Variants in ROBO2 observed in about 807,000 individuals in gnomAD.
ROBO2 encodes the protein roundabout homolog 2.
Under a neutral mutation model 160.8 loss-of-function variants are expected in ROBO2, and 53 were observed. The observed-to-expected ratio is 0.33, with a 90% CI of 0.26 to 0.41. The LOEUF (loss-of-function observed/expected upper bound fraction) is 0.41, where lower values mean the gene tolerates loss of function less well. Among genes scored for constraint, ROBO2 ranks in the 10% least tolerant of loss-of-function variants. ROBO2 has a pLI of 1.00. For synonymous variants in ROBO2, 664 were observed against 611.7 expected, an observed-to-expected ratio of 1.09 and a Z score of -1.26; for missense variants, 1,577 against 1,722.4, an observed-to-expected ratio of 0.92 and a Z score of 1.49.
intron 2 of ROBO2, among the ~76,000 whole-genome samples, chr3:76,831,702 T>C (rs916794058): frequency 6.6e-6 from 1 of 152,186 alleles, no homozygotes; most frequent in African/African-American, 2.4e-5. Flanking sequence ...ATAGCAAAAC[T>C]AAGACAAACT....
At chr3:76,974,539 A>G (rs918108279) in intron 2 of ROBO2, among the ~76,000 whole-genome samples, 3 of 152,130 alleles carry the variant, frequency 2.0e-5, no homozygotes, top group African/African-American at 7.2e-5. Context: ...ACTGCAACCC[A>G]GGTGTTCTGG....
chr3:77,411,176 T>C (rs1202932621), intron 2 of ROBO2, among the ~76,000 whole-genome samples: 5 of 152,144 alleles, frequency 3.3e-5, no homozygotes, highest in Non-Finnish European at 7.4e-5. Flanking sequence ...TTCTCCTAAC[T>C]CTTCTTGCCC....
chr3:76,386,806 A>G (rs2076913651), intron 2 of ROBO2, among the ~76,000 whole-genome samples: 1 of 152,134 alleles, frequency 6.6e-6, no homozygotes, highest in Admixed American at 6.5e-5. Flanking sequence ...CAACTGTGGG[A>G]CATACATATG....
intron 2 of ROBO2, among the ~76,000 whole-genome samples, chr3:77,411,864 A>G (rs965627380): frequency 6.6e-6 from 1 of 152,204 alleles, no homozygotes; most frequent in Non-Finnish European, 1.5e-5. Flanking sequence ...TATCGTTAAG[A>G]CATTAAAAAT....
intron 2 of ROBO2, 38 bp downstream of exon 2, chr3:77,098,378 T>TGAAA: frequency 6.2e-7 from 1 of 1,600,114 alleles, no homozygotes; most frequent in Non-Finnish European, 8.6e-7. Context: ...CACATTTACT[T>TGAAA]TTATTTATTT....
intron 2 of ROBO2, among the ~76,000 whole-genome samples, chr3:75,943,357 A>T (rs1433797791): frequency 6.6e-6 from 1 of 152,172 alleles, no homozygotes; most frequent in East Asian, 1.9e-4. Context: ...TCTGAAGCTG[A>T]ATTTATTTAG....
intron 2 of ROBO2, among the ~76,000 whole-genome samples, chr3:77,206,442 A>T (rs1175815768): frequency 6.6e-6 from 1 of 152,042 alleles, no homozygotes; most frequent in African/African-American, 2.4e-5. Flanking sequence ...TGCTGGGATG[A>T]CAGGGTGAGC....
In ROBO2 at chr3:77,073,378, G is replaced by A. The variant is rs553600031; in HGVS notation, c.62-24636G>A. ...TTGTTTCTTAAGTCACCTGTAGGGC[G>A]AAGTAAATATGCGAGGAAATAGTCT... On this transcript the variant is annotated intron_variant, in intron 1 of 25. Transcript: ENST00000461745. Among the ~76,000 whole-genome samples the A allele has an allele frequency of 3.3e-5, 5 of 152,256 alleles. No homozygotes were observed. The South Asian group carries it at 8.3e-4, about 25-fold the overall frequency.
At chr3:77,027,475 T>C (rs2063040369) in intron 2 of ROBO2, among the ~76,000 whole-genome samples, 1 of 152,170 alleles carries the variant, frequency 6.6e-6, no homozygotes, top group Non-Finnish European at 1.5e-5. Flanking sequence ...AGAGAGCATA[T>C]ATAGCATCAA....
rs1422584990 is a variant in ROBO2, at chr3:76,948,895, T to G, written c.110-149119T>G. Among the ~76,000 whole-genome samples, 8 of 28,796 alleles carry G rather than the reference T, an allele frequency of 2.8e-4. No homozygotes were observed. In the East Asian group the frequency reaches 0.011, roughly 41 times the overall value. 18.9% of individuals were successfully genotyped at this position (28,796 alleles called of 152,430 possible). On this transcript the variant is annotated intron_variant, in intron 2 of 26. Transcript: ENST00000487694. The stretch of plus-strand genomic sequence containing the variant: ...AATTTTATATATATATATATATATA[T>G]ATATATATATATATTTTTTTTTTTT...
At chr3:77,572,498 CTT>C (rs200678253) in intron 13 of ROBO2, among the ~76,000 whole-genome samples, 1 of 147,062 alleles carries the variant, frequency 6.8e-6, no homozygotes, top group African/African-American at 2.5e-5. Context: ...CCTGGGCTCA[CTT>C]TTTTTTTTTA....
At chr3:76,546,100 G>A (rs1444613311) in intron 2 of ROBO2, among the ~76,000 whole-genome samples, 1 of 151,670 alleles carries the variant, frequency 6.6e-6, no homozygotes, top group Non-Finnish European at 1.5e-5. Context: ...GAAGTTCCTT[G>A]GTAAAATCAT....
In ROBO2 at chr3:76,165,388, T is replaced by C. The variant is rs993587379; in HGVS notation, c.109+227786T>C. Among the ~76,000 whole-genome samples, 4 of 152,008 alleles carry C rather than the reference T, an allele frequency of 2.6e-5. 1 individual carries two copies. The highest frequency in any genetic ancestry group is 1.3e-4 in the Admixed American group (2 of 15,254). ...GCTTCCTCATCTCTTTCAGCTTTTATAGAATTGAAGAGAGGGCCTTGCTCT... is the reference window on the plus strand; with the variant it reads ...GCTTCCTCATCTCTTTCAGCTTTTACAGAATTGAAGAGAGGGCCTTGCTCT... On this transcript the variant is annotated intron_variant, in intron 2 of 26. Coordinates refer to the ROBO2 transcript ENST00000487694.
rs370957692 is a variant in ROBO2, at chr3:76,185,213, T to C, written c.109+247611T>C. On this transcript the variant is annotated intron_variant, in intron 2 of 26. Coordinates refer to the ROBO2 transcript ENST00000487694. ...AAACACAGATATATATATATATATA[T>C]ATACACACACAAAGATGTTATATAT... 2.0e-3 allele frequency among the ~76,000 whole-genome samples: 162 copies of C among 82,936 alleles called. 8 individuals carry two copies. Among genetic ancestry groups the C allele is most frequent in the Non-Finnish European group, 3.1e-3 (105 of 34,250 alleles). The allele number at this position is 82,936 out of a possible 152,430, so 54.4% of individuals were successfully genotyped here. A position where few individuals can be genotyped will look rare whatever the true frequency, so the allele number is the denominator to read the frequency against.
chr3:76,717,470 G>A (rs1330569999), intron 2 of ROBO2, among the ~76,000 whole-genome samples: 5 of 145,480 alleles, frequency 3.4e-5, no homozygotes, highest in Admixed American at 7.0e-5. Context: ...CACCCTGGGC[G>A]ACAGAGTGAG....
intron 2 of ROBO2, among the ~76,000 whole-genome samples, chr3:76,028,325 T>C (rs1405594209): frequency 6.6e-6 from 1 of 151,958 alleles, no homozygotes; most frequent in Non-Finnish European, 1.5e-5. Context: ...AAATTATCTA[T>C]GGAGGGGTTA....
chr3:77,388,870 G>A (rs74689784), intron 2 of ROBO2, among the ~76,000 whole-genome samples: 6,183 of 152,308 alleles, frequency 0.041, 442 homozygotes, highest in African/African-American at 0.14. Flanking sequence ...ACAAGATGTA[G>A]CATTTTAATA....
At chr3:77,542,300 G>T (rs1302512674) in intron 6 of ROBO2, among the ~76,000 whole-genome samples, 1 of 152,144 alleles carries the variant, frequency 6.6e-6, no homozygotes, top group African/African-American at 2.4e-5. Flanking sequence ...CCACCTTCAG[G>T]TGATAATAGG....
intron 2 of ROBO2, among the ~76,000 whole-genome samples, chr3:76,203,096 G>T (rs1044168437): frequency 6.6e-6 from 1 of 152,046 alleles, no homozygotes; most frequent in Non-Finnish European, 1.5e-5. Flanking sequence ...AAATTCAGCC[G>T]CAGGCAAAAA....
Sources: allele counts gnomAD v4.1 joint callset (sites outside exome capture counted in the v4.1 genomes callset), GRCh38; gene constraint gnomAD v4.1.1; transcripts MANE v1.5; gene names NCBI Gene and HGNC (gene_info 2026-07-23, HGNC 2026-07-21).